Variants in BLTP3B observed in about 807,000 individuals in gnomAD.
BLTP3B encodes the protein UHRF1 (ICBP90) binding protein 1-like.
chr12:100,121,686 G>A, the BLTP3B span, among the ~76,000 whole-genome samples: 23 of 152,110 alleles, frequency 1.5e-4, no homozygotes, highest in African/African-American at 3.4e-4. Context: ...CAAAATTAGC[G>A]GGCGTGGTGG....
At chr12:100,042,312 A>G in the BLTP3B span, among the ~76,000 whole-genome samples, 1 of 152,178 alleles carries the variant, frequency 6.6e-6, no homozygotes, top group Non-Finnish European at 1.5e-5. Context: ...AGGGACCCAA[A>G]AGAGTCAAAA....
At chr12:100,037,276 G>T in the BLTP3B span, 1 of 999,304 alleles carries the variant, frequency 1.0e-6, no homozygotes, top group Non-Finnish European at 1.2e-6. Context: ...AGCAATCTGT[G>T]TGAACACAAG....
At chr12:100,090,781 C>T in the BLTP3B span, among the ~76,000 whole-genome samples, 1 of 152,084 alleles carries the variant, frequency 6.6e-6, no homozygotes, top group Non-Finnish European at 1.5e-5. Context: ...TTTTCTCCTG[C>T]TTTTCCCATT....
the BLTP3B span, among the ~76,000 whole-genome samples, chr12:100,133,564 A>G: frequency 2.0e-5 from 3 of 152,238 alleles, no homozygotes; most frequent in African/African-American, 7.2e-5. Flanking sequence ...AGAAAAATCA[A>G]TGAAAAGGGT....
the BLTP3B span, among the ~76,000 whole-genome samples, chr12:100,125,702 C>G: frequency 1.3e-5 from 2 of 152,184 alleles, no homozygotes; most frequent in South Asian, 4.1e-4. Context: ...AGATCTGACA[C>G]AACTAGACAT....
chr12:100,092,831 T>C, the BLTP3B span: 3 of 885,954 alleles, frequency 3.4e-6, no homozygotes, highest in Non-Finnish European at 4.1e-6. Flanking sequence ...ATGTCTATGA[T>C]GGTAATATTG....
At chr12:100,059,161 C>T in the BLTP3B span, 1 of 1,614,160 alleles carries the variant, frequency 6.2e-7, no homozygotes, top group Non-Finnish European at 8.5e-7. Flanking sequence ...TTCATCCCTT[C>T]ATAATCTATC....
At chr12:100,039,773 G>A in the BLTP3B span, 1 of 1,612,586 alleles carries the variant, frequency 6.2e-7, no homozygotes, top group Non-Finnish European at 8.5e-7. Context: ...CATTTCCAGT[G>A]TTAAGCATGT....
the BLTP3B span, chr12:100,058,444 C>T: frequency 2.4e-5 from 38 of 1,613,154 alleles, 1 homozygote; most frequent in East Asian, 8.5e-4. Context: ...AGCAAAGGAT[C>T]CTTTAAAGGG....
the BLTP3B span, among the ~76,000 whole-genome samples, chr12:100,130,331 T>C: frequency 8.5e-5 from 13 of 152,236 alleles, no homozygotes; most frequent in African/African-American, 3.1e-4. Flanking sequence ...TCTGTTAAGG[T>C]TGCATAGCGT....
chr12:100,065,414 G>C, the BLTP3B span, among the ~76,000 whole-genome samples: 1 of 152,112 alleles, frequency 6.6e-6, no homozygotes, highest in African/African-American at 2.4e-5. Flanking sequence ...TTCTTGCAGA[G>C]AGCCTATAAA....
chr12:100,068,147 G>GTACCAT, the BLTP3B span, among the ~76,000 whole-genome samples: 5 of 152,106 alleles, frequency 3.3e-5, no homozygotes, highest in African/African-American at 1.2e-4. Context: ...TATAAAAATA[G>GTACCAT]GCACACAGAC....
the BLTP3B span, chr12:100,050,932 C>G: frequency 9.3e-7 from 1 of 1,080,576 alleles, no homozygotes; most frequent in African/African-American, 1.7e-5. Context: ...TGGGGGGAGG[C>G]ATTTTCAAGA....
At chr12:100,049,602 C>T in the BLTP3B span, among the ~76,000 whole-genome samples, 1 of 152,112 alleles carries the variant, frequency 6.6e-6, no homozygotes, top group African/African-American at 2.4e-5. Context: ...TACTTATTAA[C>T]ATTCCAGAAA....
the BLTP3B span, chr12:100,050,189 A>T: frequency 1.3e-6 from 2 of 1,559,042 alleles, no homozygotes; most frequent in Non-Finnish European, 1.7e-6. Flanking sequence ...TTACAAAGGT[A>T]ATGCCGAAGG....
the BLTP3B span, among the ~76,000 whole-genome samples, chr12:100,052,659 C>G: frequency 6.6e-6 from 1 of 151,872 alleles, no homozygotes; most frequent in Admixed American, 6.6e-5. Context: ...TAAGCTGGGG[C>G]CACATCACAC....
At chr12:100,127,201 C>T in the BLTP3B span, among the ~76,000 whole-genome samples, 1 of 152,126 alleles carries the variant, frequency 6.6e-6, no homozygotes, top group African/African-American at 2.4e-5. Flanking sequence ...TCCTTGAAAG[C>T]CATTTTAAAC....
chr12:100,082,829 A>G, the BLTP3B span, among the ~76,000 whole-genome samples: 14 of 152,364 alleles, frequency 9.2e-5, no homozygotes, highest in African/African-American at 3.1e-4. Context: ...CTATAAAGTT[A>G]GTTTGGTTAA....
chr12:100,106,757 A>G, the BLTP3B span, among the ~76,000 whole-genome samples: 1 of 152,152 alleles, frequency 6.6e-6, no homozygotes, highest in Non-Finnish European at 1.5e-5. Flanking sequence ...TATTGAAATA[A>G]AAAAAAATTT....
Sources: gnomAD v4.1 joint callset for allele counts (sites outside exome capture counted in the v4.1 genomes callset) on GRCh38, gnomAD v4.1.1 for gene constraint, MANE v1.5 for transcripts, NCBI Gene and HGNC (gene_info 2026-07-23, HGNC 2026-07-21) for gene names.